The following NOS1AP variants were observed in gnomAD, a reference collection of about 807,000 sequenced individuals.
NOS1AP encodes the protein nitric oxide synthase 1 adaptor protein.
A neutral mutation model predicts 56.2 loss-of-function variants in NOS1AP; 21 were observed. That is an observed-to-expected ratio of 0.37 (90% confidence interval 0.26 to 0.54). The LOEUF (loss-of-function observed/expected upper bound fraction) is 0.54. Ranked by LOEUF, NOS1AP falls within the 20% of genes least tolerant of loss-of-function variation. NOS1AP has a pLI of 0.84. For synonymous variants in NOS1AP, 270 were observed against 274.6 expected (o/e 0.98, Z 0.17); for missense variants, 522 against 657.8 (o/e 0.79, Z 2.26).
intron 2 of NOS1AP, among the ~76,000 whole-genome samples, chr1:162,252,223 T>C (rs1017586019): frequency 4.6e-5 from 7 of 152,086 alleles, no homozygotes; most frequent in Admixed American, 3.9e-4. Flanking sequence ...ATTTTTGTAT[T>C]TTTTATAGAG....
rs186984863 is a variant in NOS1AP at position 162,166,781 on chromosome 1, G to A, written c.177+12305G>A. Among the ~76,000 whole-genome samples, 80 of 152,246 alleles carry A rather than the reference G, an allele frequency of 5.3e-4. 1 individual carries two copies. Among genetic ancestry groups the A allele is most frequent in the African/African-American group, 1.9e-3 (79 of 41,546 alleles). ...TAATGGGTGTCACGTCCTTAGCACC[G>A]TGCCTGGCCCATAGTATATACCCAG... is the stretch of plus-strand genomic sequence containing the variant. On this transcript the variant is annotated intron_variant, in intron 2 of 9. Transcript: ENST00000361897.
At chr1:162,299,748 A>C (rs1246033274) in intron 3 of NOS1AP, among the ~76,000 whole-genome samples, 1 of 152,104 alleles carries the variant, frequency 6.6e-6, no homozygotes, top group East Asian at 1.9e-4. Flanking sequence ...TCAGGGATTA[A>C]ATGTGGTGTG....
intron 2 of NOS1AP, among the ~76,000 whole-genome samples, chr1:162,168,541 C>T (rs543487824): frequency 1.3e-5 from 2 of 152,336 alleles, no homozygotes; most frequent in South Asian, 4.1e-4. Flanking sequence ...AGTAGGGTCC[C>T]TGGCAAGGGT....
At chr1:162,280,252 A>G (rs1338220637) in intron 2 of NOS1AP, among the ~76,000 whole-genome samples, 1 of 152,218 alleles carries the variant, frequency 6.6e-6, no homozygotes, top group Non-Finnish European at 1.5e-5. Context: ...TCCCAAAGTA[A>G]TACTTTTTAT....
chr1:162,301,081 T>C (rs1655636633), intron 4 of NOS1AP, among the ~76,000 whole-genome samples: 1 of 152,212 alleles, frequency 6.6e-6, no homozygotes, highest in Non-Finnish European at 1.5e-5. Context: ...CCCACAGTTA[T>C]CTCTTCCACC....
intron 2 of NOS1AP, among the ~76,000 whole-genome samples, chr1:162,235,551 C>T (rs1471735175): frequency 6.6e-6 from 1 of 152,216 alleles, no homozygotes; most frequent in Non-Finnish European, 1.5e-5. Flanking sequence ...GTTTCAGGCT[C>T]TTGGAGCATG....
At chr1:162,350,504 A>G (rs926865067) in intron 6 of NOS1AP, among the ~76,000 whole-genome samples, 1 of 152,176 alleles carries the variant, frequency 6.6e-6, no homozygotes, top group Non-Finnish European at 1.5e-5. Flanking sequence ...GTTGTGCCCT[A>G]TACTGCTTCT....
intron 2 of NOS1AP, among the ~76,000 whole-genome samples, chr1:162,258,905 A>T (rs1654118994): frequency 6.6e-6 from 1 of 152,182 alleles, no homozygotes; most frequent in Non-Finnish European, 1.5e-5. Flanking sequence ...TAGGGTTCAC[A>T]TTGTAGGTGG....
chr1:162,133,934 T>C (rs1384242537), intron 1 of NOS1AP, among the ~76,000 whole-genome samples: 2 of 152,292 alleles, frequency 1.3e-5, no homozygotes, highest in Admixed American at 6.5e-5. Flanking sequence ...TACATAGAAT[T>C]AGATCCAGTT....
At chr1:162,149,194 A>G (rs10918762) in intron 1 of NOS1AP, among the ~76,000 whole-genome samples, 39,336 of 152,148 alleles carry the variant, frequency 0.26, 5,715 homozygotes, top group East Asian at 0.6. Flanking sequence ...AAAGTGATCA[A>G]CTGCCACCAG....
chr1:162,363,839 G>A (rs1657978969), intron 8 of NOS1AP: 1 of 985,430 alleles, frequency 1.0e-6, no homozygotes, highest in Non-Finnish European at 1.2e-6. Context: ...CTGACTTCTT[G>A]ACCAAAATAT....
At chr1:162,295,928 G>A (rs1448715990) in intron 3 of NOS1AP, among the ~76,000 whole-genome samples, 1 of 152,060 alleles carries the variant, frequency 6.6e-6, no homozygotes, top group Non-Finnish European at 1.5e-5. Flanking sequence ...TGGGGGAGGG[G>A]TGGAGACCCT....
chr1:162,097,003 C>T (rs1201498955), intron 1 of NOS1AP, among the ~76,000 whole-genome samples: 1 of 152,044 alleles, frequency 6.6e-6, no homozygotes, highest in Non-Finnish European at 1.5e-5. Context: ...TTGTTTCTTC[C>T]ACTTGTAAGA....
chr1:162,096,572 C>T (rs890761069), intron 1 of NOS1AP, among the ~76,000 whole-genome samples: 1 of 152,082 alleles, frequency 6.6e-6, no homozygotes, highest in Non-Finnish European at 1.5e-5. Context: ...TCCCAAGAAA[C>T]AACCACTATC....
chr1:162,125,775 G>A (rs1279669570), intron 1 of NOS1AP, among the ~76,000 whole-genome samples: 18 of 152,060 alleles, frequency 1.2e-4, no homozygotes, highest in Admixed American at 2.0e-4. Flanking sequence ...GGTTCCATAT[G>A]AATTTTAGGA....
chr1:162,257,320 G>A (rs376814317), intron 2 of NOS1AP, among the ~76,000 whole-genome samples: 2 of 152,058 alleles, frequency 1.3e-5, no homozygotes, highest in East Asian at 1.9e-4. Flanking sequence ...ATTTTTCTAG[G>A]AAGTGCTGCT....
chr1:162,082,292 T>C (rs1691913317), intron 1 of NOS1AP, among the ~76,000 whole-genome samples: 2 of 152,190 alleles, frequency 1.3e-5, no homozygotes, highest in African/African-American at 4.8e-5. Flanking sequence ...CATGGCTGCA[T>C]AGTATTCCAT....
chr1:162,085,133 C>G (rs1691974660), intron 1 of NOS1AP, among the ~76,000 whole-genome samples: 1 of 152,064 alleles, frequency 6.6e-6, no homozygotes, highest in African/African-American at 2.4e-5. Flanking sequence ...TCCAGCTTCT[C>G]CAGCAACCAG....
At chr1:162,244,816 T>C (rs1047649343) in intron 2 of NOS1AP, among the ~76,000 whole-genome samples, 1 of 152,214 alleles carries the variant, frequency 6.6e-6, no homozygotes, top group African/African-American at 2.4e-5. Context: ...TGCATGGGGA[T>C]AAAATTGCTC....
Sources: allele counts gnomAD v4.1 joint callset (sites outside exome capture counted in the v4.1 genomes callset), GRCh38; gene constraint gnomAD v4.1.1; transcripts MANE v1.5; gene names NCBI Gene and HGNC (gene_info 2026-07-23, HGNC 2026-07-21).